EFCAB5: variants seen among roughly 807,000 people sequenced by gnomAD.
The protein encoded by EFCAB5 is EF-hand calcium-binding domain-containing protein 5.
In EFCAB5, 131 loss-of-function variants were observed where a neutral mutation model predicts 167.9. That is an observed-to-expected ratio of 0.78 (90% CI 0.68 to 0.90). The LOEUF is 0.90. Among genes scored for constraint, EFCAB5 ranks in the 40% least tolerant of loss-of-function variants. The pLI, the probability that EFCAB5 is intolerant of heterozygous loss-of-function variation, is 0.00. For missense variants in EFCAB5, 1,663 were observed against 1,745.2 expected (o/e 0.95, Z 0.84); for synonymous variants, 574 against 602.8 (o/e 0.95, Z 0.70).
At chr17:30,105,783 A>T (rs1178306229) in intron 22 of EFCAB5, among the ~76,000 whole-genome samples, 4 of 152,180 alleles carry the variant, frequency 2.6e-5, no homozygotes, top group African/African-American at 9.7e-5. Context: ...CTTATAATTG[A>T]ATGAGAAAAG....
intron 22 of EFCAB5, among the ~76,000 whole-genome samples, chr17:30,095,416 C>T (rs917865932): frequency 6.6e-6 from 1 of 152,156 alleles, no homozygotes; most frequent in Non-Finnish European, 1.5e-5. Context: ...ACACCATGAT[C>T]CTCTAAGGGT....
At position 30,034,222 on chromosome 17, in the gene EFCAB5, C is replaced by T; in HGVS notation, c.1045-8C>T. The stretch of plus-strand genomic sequence containing the variant: ...TCAATCGTTTATCCTCTTTTTTTTC[C>T]CCTGTAGTACATCTCTTCACATATT... On this transcript the variant is annotated splice_region_variant and splice_polypyrimidine_tract_variant and intron_variant, in intron 7 of 22. Coordinates refer to ENST00000394835, the MANE Select transcript of EFCAB5 (RefSeq NM_198529.4). The T allele has an allele frequency of 6.2e-7, 1 of 1,603,940 alleles. No individual in the cohort carries two copies. Among genetic ancestry groups the T allele is most frequent in the Non-Finnish European group, 8.5e-7 (1 of 1,176,462 alleles).
chr17:29,992,473 G>A (rs748798147), intron 4 of EFCAB5, among the ~76,000 whole-genome samples: 6 of 152,038 alleles, frequency 3.9e-5, no homozygotes, highest in South Asian at 4.1e-4. Flanking sequence ...TCAGCCTTAC[G>A]AGTAGCTGGG....
chr17:30,085,983 A>G (rs187217950), intron 18 of EFCAB5, among the ~76,000 whole-genome samples: 150 of 152,162 alleles, frequency 9.9e-4, no homozygotes, highest in Middle Eastern at 3.4e-3. Context: ...ATTTGTTCCA[A>G]TAATTAGTTA....
chr17:30,044,311 C>T (rs1473462331), intron 8 of EFCAB5, among the ~76,000 whole-genome samples: 2 of 152,144 alleles, frequency 1.3e-5, no homozygotes, highest in African/African-American at 2.4e-5. Context: ...AGTACAGTGG[C>T]TCAAGCCTGT....
At position 30,057,819 on chromosome 17, in the gene EFCAB5, G is replaced by T; in HGVS notation, c.2509G>T (p.Glu837Ter). 6.2e-7 allele frequency: 1 copy of T among 1,613,800 alleles called. No homozygotes were observed. The highest frequency in any genetic ancestry group is 1.1e-5 in the South Asian group (1 of 91,070). The change falls in exon 13 of 23, where the codon GAG (glutamate) becomes TAG (stop). Residue 837 changes from glutamate to a stop codon, truncating the protein, a stop_gained. Transcript: ENST00000394835. LOFTEE classifies it high-confidence loss of function. Reference sequence around the variant, plus strand: ...TGAAGACGCTCCCTTGAGTGTCAGCGAGACTCTCACCTCCTTTTTTAAGGA... The same window carrying T: ...TGAAGACGCTCCCTTGAGTGTCAGCTAGACTCTCACCTCCTTTTTTAAGGA... ...VGEDAPLSVS[E>*]TLTSFFKEGY...
intron 3 of EFCAB5, among the ~76,000 whole-genome samples, chr17:29,955,426 G>A (rs1041282125): frequency 5.9e-5 from 9 of 152,120 alleles, no homozygotes; most frequent in African/African-American, 1.4e-4. Context: ...GTTCCCCTGC[G>A]CATGCTCTGT....
At chr17:30,044,490 C>A (rs541079153) in intron 8 of EFCAB5, among the ~76,000 whole-genome samples, 9 of 151,896 alleles carry the variant, frequency 5.9e-5, no homozygotes, top group African/African-American at 2.2e-4. Flanking sequence ...GCACGAGAAT[C>A]GCTTGAACCC....
chr17:30,064,132 T>C (rs1385029097), intron 14 of EFCAB5, among the ~76,000 whole-genome samples: 1 of 152,160 alleles, frequency 6.6e-6, no homozygotes, highest in Non-Finnish European at 1.5e-5. Context: ...AATATGGCAC[T>C]ACCAAAGGAA....
chr17:29,971,034 A>T lies in EFCAB5; in HGVS notation c.767+1667A>T, dbSNP rs113316265. Among the ~76,000 whole-genome samples, 341 of 151,534 alleles carry T rather than the reference A, an allele frequency of 2.3e-3. 3 individuals carry two copies. Among genetic ancestry groups the T allele is most frequent in the African/African-American group, 8.1e-3 (335 of 41,280 alleles). ...AGGCTGCAGTGAGCCGAGATGCACC[A>T]CTACACTCCAGCCTGGGCAACAGAG... is the stretch of plus-strand genomic sequence containing the variant. On this transcript the variant is annotated intron_variant, in intron 4 of 22. Coordinates refer to ENST00000394835, the MANE Select transcript of EFCAB5 (RefSeq NM_198529.4).
At chr17:30,027,690 T>G (rs549498692) in intron 7 of EFCAB5, among the ~76,000 whole-genome samples, 1 of 152,188 alleles carries the variant, frequency 6.6e-6, no homozygotes, top group African/African-American at 2.4e-5. Context: ...TGAAACTTTC[T>G]GTGTTAAAAC....
chr17:29,951,408 G>A (rs962613183), intron 3 of EFCAB5, among the ~76,000 whole-genome samples: 5 of 152,094 alleles, frequency 3.3e-5, no homozygotes, highest in South Asian at 2.1e-4. Flanking sequence ...GGCGATCTCC[G>A]CTCACTGCAA....
rs772865132 is a variant in EFCAB5 at position 30,051,227 on chromosome 17, G to A, written c.1300+10G>A. On this transcript the variant is annotated intron_variant, in intron 9 of 22. Coordinates refer to ENST00000394835, the MANE Select transcript of EFCAB5 (RefSeq NM_198529.4). ...CGAAACCCACGACAATGTAAGTGCC[G>A]CTCAGAGGGAGTATGTTCAAGCTGG... 1.8e-5 allele frequency: 29 copies of A among 1,612,278 alleles called. No homozygotes were observed. Among genetic ancestry groups the A allele is most frequent in the Admixed American group, 5.0e-5 (3 of 59,986 alleles).
At chr17:30,089,776 C>T (rs80204897) in intron 19 of EFCAB5, among the ~76,000 whole-genome samples, 2,514 of 152,288 alleles carry the variant, frequency 0.017, 55 homozygotes, top group African/African-American at 0.054. Flanking sequence ...CCCAGGGCAG[C>T]TTAGAGCCAA....
intron 4 of EFCAB5, among the ~76,000 whole-genome samples, chr17:29,988,923 T>C (rs2068349692): frequency 1.3e-5 from 2 of 152,212 alleles, no homozygotes; most frequent in Non-Finnish European, 2.9e-5. Context: ...TCTCTGGATC[T>C]ATTCTATTTA....
intron 10 of EFCAB5, among the ~76,000 whole-genome samples, chr17:30,055,500 G>C (rs1311622585): frequency 6.6e-6 from 1 of 152,184 alleles, no homozygotes. Context: ...AGAAATTCAT[G>C]CTACTTTTTC....
At chr17:30,085,329 C>T (rs2071065289) in intron 18 of EFCAB5, among the ~76,000 whole-genome samples, 1 of 152,170 alleles carries the variant, frequency 6.6e-6, no homozygotes, top group Admixed American at 6.5e-5. Context: ...CCCCAAAGCA[C>T]CTCTGTCTAT....
At position 30,080,211 on chromosome 17, in the gene EFCAB5, G is replaced by C. The variant is rs201042854; in HGVS notation, c.3167G>C (p.Arg1056Thr). ...TLDDAQFVLN[R>T]VLYRDMKGIS... ...GATGATGCTCAATTTGTACTGAACA[G>C]AGTGCTCTACAGGGACATGAAAGGA... Residue 1056 changes from arginine to threonine, a missense_variant, in exon 16 of 23, where the codon AGA becomes ACA. Physicochemically the swap from Arg to Thr is moderately conservative, Grantham distance 71 (BLOSUM62 -1). Coordinates refer to ENST00000394835, the MANE Select transcript of EFCAB5 (RefSeq NM_198529.4). 1 of 1,609,298 alleles carries C rather than the reference G, an allele frequency of 6.2e-7. No homozygotes were observed. Among genetic ancestry groups the C allele is most frequent in the Non-Finnish European group, 8.5e-7 (1 of 1,178,552 alleles).
intron 17 of EFCAB5, among the ~76,000 whole-genome samples, chr17:30,082,324 A>G (rs1163944530): frequency 6.6e-6 from 1 of 150,804 alleles, no homozygotes; most frequent in East Asian, 1.9e-4. Flanking sequence ...AATAGCACAT[A>G]CCACAAATTT....
Sources: allele counts gnomAD v4.1 joint callset (sites outside exome capture counted in the v4.1 genomes callset), GRCh38; gene constraint gnomAD v4.1.1; transcripts MANE v1.5; gene names NCBI Gene and HGNC (gene_info 2026-07-23, HGNC 2026-07-21).